The following ADARB2 variants were observed in gnomAD, a reference collection of about 807,000 sequenced individuals.
ADARB2 encodes inactive double-stranded RNA-specific editase B2.
In ADARB2, 25 loss-of-function variants were observed where a neutral mutation model predicts 62.2. That is an observed-to-expected ratio of 0.40 (90% confidence interval 0.29 to 0.56). ADARB2 has a LOEUF of 0.56. Ranked by LOEUF, ADARB2 falls within the 20% of genes least tolerant of loss-of-function variation. The probability of loss-of-function intolerance (pLI) is 0.43; values close to 1 mark genes in which losing one functional copy is unlikely to be tolerated. For missense variants in ADARB2, 1,071 were observed against 1,077.4 expected, an observed-to-expected ratio of 0.99 and a Z score of 0.08; for synonymous variants, 572 against 500.8, an observed-to-expected ratio of 1.14 and a Z score of -1.90.
intron 1 of ADARB2, among the ~76,000 whole-genome samples, chr10:1,469,499 CT>C (rs1831295421): frequency 6.6e-6 from 1 of 152,206 alleles, no homozygotes; most frequent in Non-Finnish European, 1.5e-5. Flanking sequence ...AACTTTTACA[CT>C]TTTACACAAG....
At chr10:1,218,259 T>C (rs976123752) in intron 6 of ADARB2, among the ~76,000 whole-genome samples, 4 of 152,000 alleles carry the variant, frequency 2.6e-5, no homozygotes, top group Non-Finnish European at 5.9e-5. Flanking sequence ...CCATGTTGGC[T>C]AGGCTGGTCT....
chr10:1,656,955 A>C (rs1001575747), intron 1 of ADARB2, among the ~76,000 whole-genome samples: 2 of 151,998 alleles, frequency 1.3e-5, no homozygotes, highest in Non-Finnish European at 2.9e-5. Context: ...AAGTTGAAAA[A>C]TCAAGGAACT....
chr10:1,494,470 G>A (rs955650136), intron 1 of ADARB2, among the ~76,000 whole-genome samples: 7 of 152,140 alleles, frequency 4.6e-5, no homozygotes, highest in African/African-American at 1.7e-4. Context: ...TGAATGCTAA[G>A]CAAAAATGAC....
rs140797983 is a variant in ADARB2, at chr10:1,218,741, T to A, written c.1514-1622A>T. On this transcript the variant is annotated intron_variant, in intron 6 of 9. Transcript: ENST00000381312. Reference sequence around the variant, plus strand: ...AGTGAATTGTTCTCATGAGACCTGGTCATTTAAAAGTGTGTGGCATCAGCC... The same window carrying A: ...AGTGAATTGTTCTCATGAGACCTGGACATTTAAAAGTGTGTGGCATCAGCC... Among the ~76,000 whole-genome samples the A allele has an allele frequency of 4.1e-4, 62 of 152,142 alleles. 1 individual carries two copies. The East Asian group carries it at 0.011, about 28-fold the overall frequency.
intron 6 of ADARB2, among the ~76,000 whole-genome samples, chr10:1,222,267 T>C (rs932617141): frequency 6.6e-6 from 1 of 152,266 alleles, no homozygotes; most frequent in African/African-American, 2.4e-5. Flanking sequence ...ATGGGGTTGT[T>C]TTTTTCTTGT....
At chr10:1,209,354 T>C (rs1191629689) in intron 7 of ADARB2, among the ~76,000 whole-genome samples, 1 of 115,766 alleles carries the variant, frequency 8.6e-6, no homozygotes, top group Non-Finnish European at 1.9e-5. Flanking sequence ...TGCCCATGCC[T>C]ACACCGTCAC....
chr10:1,507,881 CTT>C (rs1305637196), intron 1 of ADARB2, among the ~76,000 whole-genome samples: 1 of 152,204 alleles, frequency 6.6e-6, no homozygotes, highest in African/African-American at 2.4e-5. Context: ...TTCTTGCCGT[CTT>C]CTCCAGGGTG....
chr10:1,510,315 G>T (rs2131944763), intron 1 of ADARB2, among the ~76,000 whole-genome samples: 1 of 152,146 alleles, frequency 6.6e-6, no homozygotes, highest in East Asian at 1.9e-4. Flanking sequence ...TGAGTAGCTG[G>T]AATGACAGCT....
At chr10:1,470,054 G>C (rs553951101) in intron 1 of ADARB2, among the ~76,000 whole-genome samples, 1 of 109,736 alleles carries the variant, frequency 9.1e-6, no homozygotes. Flanking sequence ...GGAGACTCCC[G>C]GCCCTGGAGC....
At position 1,180,496 on chromosome 10, in the gene ADARB2, C is replaced by T. The variant is rs7098887; in HGVS notation, c.*2697G>A. ...CGGGCACTCCTGGCACTGTGGAATC[C>T]TAGGACCTGGCCCTTCCTGGCTGGG... On this transcript the variant is annotated 3_prime_UTR_variant, in exon 10 of 10. Transcript: ENST00000381312. 47,940 of 146,176 alleles carry T rather than the reference C, an allele frequency of 0.33. 8,483 individuals carry two copies. The highest frequency in any genetic ancestry group is 0.42 in the Admixed American group (6,260 of 14,786). The allele number at this position is 146,176 out of a possible 1,614,324, so 9.1% of individuals were successfully genotyped here.
intron 1 of ADARB2, among the ~76,000 whole-genome samples, chr10:1,443,109 C>T (rs540452355): frequency 2.9e-4 from 44 of 151,258 alleles, no homozygotes; most frequent in South Asian, 2.5e-3. Flanking sequence ...AAACAAACAA[C>T]GGAAACTTCT....
chr10:1,528,241 G>A (rs765321442), intron 1 of ADARB2, among the ~76,000 whole-genome samples: 1 of 152,182 alleles, frequency 6.6e-6, no homozygotes, highest in East Asian at 1.9e-4. Context: ...GTGAGTGCCC[G>A]TGTTCACTTC....
At chr10:1,381,187 C>T (rs1832479831) in intron 1 of ADARB2, among the ~76,000 whole-genome samples, 1 of 152,082 alleles carries the variant, frequency 6.6e-6, no homozygotes, top group South Asian at 2.1e-4. Flanking sequence ...CACACACACA[C>T]ACACACACAT....
chr10:1,466,980 G>A (rs528972342), intron 1 of ADARB2, among the ~76,000 whole-genome samples: 6 of 152,190 alleles, frequency 3.9e-5, no homozygotes, highest in South Asian at 4.2e-4. Context: ...GATTCAGGGC[G>A]CCATTCTGAA....
Position 1,512,259 on chromosome 10 carries a change from C to T in ADARB2, c.101-133099G>A, listed in dbSNP as rs748975664. Among the ~76,000 whole-genome samples the T allele has an allele frequency of 3.7e-4, 56 of 151,520 alleles. 1 individual carries two copies. The highest frequency in any genetic ancestry group is 4.3e-4 in the Non-Finnish European group (29 of 67,922). On this transcript the variant is annotated intron_variant, in intron 1 of 9. Transcript: ENST00000381312. ...ATGCTGTCTACACTGGACACCAAGA[C>T]GTTGATGCTTCTACACTGGATACTA...
chr10:1,472,978 C>G (rs1331812100), intron 1 of ADARB2, among the ~76,000 whole-genome samples: 1 of 152,162 alleles, frequency 6.6e-6, no homozygotes, highest in African/African-American at 2.4e-5. Flanking sequence ...GACTGGTGAT[C>G]AGCAGCTTCC....
At chr10:1,431,072 T>C (rs993278450) in intron 1 of ADARB2, among the ~76,000 whole-genome samples, 9 of 152,226 alleles carry the variant, frequency 5.9e-5, no homozygotes, top group African/African-American at 1.4e-4. Context: ...CAGGATCTAA[T>C]TGACATTTTA....
At chr10:1,521,136 G>A (rs1243200592) in intron 1 of ADARB2, among the ~76,000 whole-genome samples, 1 of 152,134 alleles carries the variant, frequency 6.6e-6, no homozygotes, top group Non-Finnish European at 1.5e-5. Flanking sequence ...GTCGGGTGAG[G>A]TGGCTGTAAA....
At chr10:1,352,426 C>T (rs1832152918) in intron 3 of ADARB2, among the ~76,000 whole-genome samples, 1 of 152,182 alleles carries the variant, frequency 6.6e-6, no homozygotes, top group Admixed American at 6.5e-5. Flanking sequence ...CTGCCGCCAC[C>T]CTAGCTCTCC....
Sources: gnomAD v4.1 joint callset for allele counts (sites outside exome capture counted in the v4.1 genomes callset) on GRCh38, gnomAD v4.1.1 for gene constraint, MANE v1.5 for transcripts, NCBI Gene and HGNC (gene_info 2026-07-23, HGNC 2026-07-21) for gene names.